AFF1: variants seen among roughly 807,000 people sequenced by gnomAD.
AFF1 encodes ALF transcription elongation factor 1, also known as AF4/FMR2 family member 1.
AFF1 carries 48 observed loss-of-function variants against 121.7 expected under a neutral mutation model. The observed-to-expected ratio is 0.39, with a 90% CI of 0.31 to 0.50. The LOEUF is 0.50. AFF1 is among the 20% of genes least tolerant of loss of function. AFF1 has a pLI of 0.76. For synonymous variants in AFF1, 613 were observed against 563.0 expected (o/e 1.09, Z -1.26); for missense variants, 1,523 against 1,511.7 (o/e 1.01, Z -0.12).
intron 2 of AFF1, among the ~76,000 whole-genome samples, chr4:86,961,371 T>C (rs536690943): frequency 1.1e-3 from 174 of 152,262 alleles, no homozygotes; most frequent in Admixed American, 2.6e-3. Flanking sequence ...TAGAAGCTGG[T>C]GGCAGGGATA....
At chr4:86,944,717 A>C (rs973488774) in intron 1 of AFF1, among the ~76,000 whole-genome samples, 6 of 152,162 alleles carry the variant, frequency 3.9e-5, no homozygotes, top group Admixed American at 2.0e-4. Flanking sequence ...GGTTCCCCAG[A>C]GTGTACTAGG....
chr4:87,131,971 A>G (rs1279220160), intron 18 of AFF1, 107 bp downstream of exon 18: 2 of 1,036,824 alleles, frequency 1.9e-6, no homozygotes, highest in Non-Finnish European at 2.7e-6. Flanking sequence ...TATGAAAAGC[A>G]AGTCAGTACT....
At chr4:87,105,767 T>A in intron 9 of AFF1, 41 bp from the exon 10 acceptor site, 3 of 1,614,084 alleles carry the variant, frequency 1.9e-6, no homozygotes, top group Non-Finnish European at 2.5e-6. Flanking sequence ...CTGTTTTTTG[T>A]TCTTTTCCTG....
rs1050991608 is a variant in AFF1 at position 87,090,568 on chromosome 4, T to A, written c.1191+498T>A. 6.6e-5 allele frequency among the ~76,000 whole-genome samples: 10 copies of A among 152,246 alleles called. No individual in the cohort carries two copies. In the East Asian group the frequency reaches 1.3e-3, roughly 21 times the overall value. On this transcript the variant is annotated intron_variant, in intron 6 of 20. Coordinates refer to ENST00000395146, the MANE Select transcript of AFF1 (RefSeq NM_001166693.3). Reference sequence around the variant, plus strand: ...AAAACACTGCCATTCTCCTTTTTTTTAATTTATACTTTTGGATAACCTTCA... The same window carrying A: ...AAAACACTGCCATTCTCCTTTTTTTAAATTTATACTTTTGGATAACCTTCA...
Position 87,108,306 on chromosome 4 carries a change from A to G in AFF1, c.1524A>G (p.Pro508=), listed in dbSNP as rs2149752030. Residue 508 remains proline (P), a synonymous_variant, in exon 11 of 21, where the codon CCA becomes CCG. Coordinates refer to ENST00000395146, the MANE Select transcript of AFF1 (RefSeq NM_001166693.3). ...DSEENEPLET[P]APEPEPPTTN... ...AAGAAAATGAGCCCCTAGAAACCCC[A>G]GCTCCGGAGGTACCGTGTTCCCCCT... 6.2e-7 allele frequency: 1 copy of G among 1,613,084 alleles called. No individual in the cohort carries two copies. Among genetic ancestry groups the G allele is most frequent in the Non-Finnish European group, 8.5e-7 (1 of 1,179,840 alleles).
At position 87,102,708 on chromosome 4, in the gene AFF1, T is replaced by TA. The variant is rs1365160129; in HGVS notation, c.1284-2911dup. 5.7e-4 allele frequency among the ~76,000 whole-genome samples: 87 copies of TA among 151,946 alleles called. 1 individual carries two copies. Among genetic ancestry groups the TA allele is most frequent in the Middle Eastern group, 6.8e-3 (2 of 294 alleles). ...AAGGTGAAAATGATTTGATCCTAAT[T>TA]AAAAAAAAATTTATAGGTGAGAAAG... On this transcript the variant is annotated intron_variant, in intron 8 of 20. Coordinates refer to ENST00000395146, the MANE Select transcript of AFF1 (RefSeq NM_001166693.3).
chr4:86,969,642 A>ATCC (rs1245452642), intron 2 of AFF1, among the ~76,000 whole-genome samples: 12 of 150,992 alleles, frequency 7.9e-5, no homozygotes, highest in African/African-American at 2.9e-4. Flanking sequence ...GCACTTAGGG[A>ATCC]GGCCGAGGCA....
chr4:87,066,374 A>T (rs1042998644), intron 4 of AFF1, among the ~76,000 whole-genome samples: 7 of 152,140 alleles, frequency 4.6e-5, no homozygotes, highest in Non-Finnish European at 1.0e-4. Flanking sequence ...ACTGTAGGCC[A>T]GGAGTTTTGA....
intron 2 of AFF1, among the ~76,000 whole-genome samples, chr4:87,003,807 T>C (rs1725897389): frequency 6.6e-6 from 1 of 152,214 alleles, no homozygotes; most frequent in African/African-American, 2.4e-5. Context: ...GAGTAGACTT[T>C]TGCCTGGTTT....
intron 2 of AFF1, among the ~76,000 whole-genome samples, chr4:86,955,322 C>CA (rs1482589730): frequency 6.6e-6 from 1 of 152,214 alleles, no homozygotes; most frequent in East Asian, 1.9e-4. Context: ...AATGAACTAT[C>CA]ATTAACTGAA....
At chr4:86,961,662 A>C (rs34449424) in intron 2 of AFF1, among the ~76,000 whole-genome samples, 20,060 of 82,212 alleles carry the variant, frequency 0.24, 1,778 homozygotes, top group Non-Finnish European at 0.39. Flanking sequence ...TTAGTTACCC[A>C]AAAAAAAAAA....
At chr4:87,081,152 ATTTTTTT>A (rs549510832) in intron 4 of AFF1, among the ~76,000 whole-genome samples, 1,129 of 89,702 alleles carry the variant, frequency 0.013, 10 homozygotes, top group Admixed American at 0.018. Flanking sequence ...AATGAAATGA[ATTTTTTT>A]TTTTTTTTTT....
intron 7 of AFF1, 49 bp from the exon 8 acceptor site, chr4:87,094,866 C>T (rs777991132): frequency 7.6e-6 from 12 of 1,580,726 alleles, no homozygotes; most frequent in Non-Finnish European, 9.6e-6. Flanking sequence ...AACTAAGGAT[C>T]TTGTAAATAT....
At chr4:87,013,825 A>C (rs1727043405) in intron 2 of AFF1, among the ~76,000 whole-genome samples, 1 of 152,098 alleles carries the variant, frequency 6.6e-6, no homozygotes, top group Non-Finnish European at 1.5e-5. Context: ...TAGTATGCAG[A>C]TTCTGCTCCC....
chr4:86,966,212 G>A (rs985076037), intron 2 of AFF1, among the ~76,000 whole-genome samples: 2 of 152,014 alleles, frequency 1.3e-5, no homozygotes, highest in African/African-American at 4.8e-5. Flanking sequence ...TTGCACTTCA[G>A]TAAATGCTCA....
intron 12 of AFF1, among the ~76,000 whole-genome samples, chr4:87,117,831 C>T (rs1354405938): frequency 7.1e-6 from 1 of 140,860 alleles, no homozygotes; most frequent in Non-Finnish European, 1.6e-5. Context: ...TCATTATTTT[C>T]TGTAGAGGAC....
intron 2 of AFF1, among the ~76,000 whole-genome samples, chr4:87,022,939 G>C (rs535703896): frequency 6.6e-6 from 1 of 151,970 alleles, no homozygotes; most frequent in African/African-American, 2.4e-5. Flanking sequence ...TGGAGTCTCT[G>C]TTGCCCAGAC....
chr4:87,104,109 G>GA (rs1725685136), intron 8 of AFF1, among the ~76,000 whole-genome samples: 2 of 152,100 alleles, frequency 1.3e-5, no homozygotes, highest in Admixed American at 6.5e-5. Flanking sequence ...TTCTAGCCTT[G>GA]AAAAAATATG....
chr4:87,131,263 T>C, intron 17 of AFF1, 44 bp downstream of exon 17: 3 of 1,607,024 alleles, frequency 1.9e-6, no homozygotes, highest in Non-Finnish European at 2.5e-6. Flanking sequence ...TCCTTTTCTT[T>C]CCTCACCTTT....
Sources: gnomAD v4.1 joint callset for allele counts (sites outside exome capture counted in the v4.1 genomes callset) on GRCh38, gnomAD v4.1.1 for gene constraint, MANE v1.5 for transcripts, NCBI Gene and HGNC (gene_info 2026-07-23, HGNC 2026-07-21) for gene names.